The following NCKAP5 variants were observed in gnomAD, a reference collection of about 807,000 sequenced individuals.
The protein encoded by NCKAP5 is nck-associated protein 5.
In NCKAP5, 92 loss-of-function variants were observed where a neutral mutation model predicts 167.0. That is an observed-to-expected ratio of 0.55 (90% CI 0.47 to 0.66). The LOEUF (loss-of-function observed/expected upper bound fraction) is 0.66. Ranked by LOEUF, NCKAP5 falls within the 30% of genes least tolerant of loss-of-function variation. NCKAP5 has a pLI of 0.00. For missense variants in NCKAP5, 2,378 were observed against 2,315.0 expected (o/e 1.03, Z -0.56); for synonymous variants, 891 against 877.4 (o/e 1.02, Z -0.27).
rs567549128 is a variant in NCKAP5 at position 133,410,495 on chromosome 2, G to A, written c.69+106963C>T. On this transcript the variant is annotated intron_variant, in intron 3 of 19. Transcript: ENST00000409261. The stretch of plus-strand genomic sequence containing the variant: ...CAAAGGGTTCTTAGGAAAATTAATT[G>A]TCATGTATTGGTTCAATCCTATAAC... 2.6e-5 allele frequency among the ~76,000 whole-genome samples: 4 copies of A among 152,294 alleles called. No individual in the cohort carries two copies. In the South Asian group the frequency reaches 8.3e-4, roughly 32 times the overall value.
In NCKAP5 at chr2:133,212,909, A is replaced by G. The variant is rs559876875; in HGVS notation, c.207+807T>C. On this transcript the variant is annotated intron_variant, in intron 5 of 19. Coordinates refer to ENST00000409261, the MANE Select transcript of NCKAP5 (RefSeq NM_207363.3). ...TTTTCAGTGGATGGCCTGTCAATTAACTCTCATGAAATCAAATGGAAGCAG... is the reference window on the plus strand; with the variant it reads ...TTTTCAGTGGATGGCCTGTCAATTAGCTCTCATGAAATCAAATGGAAGCAG... 1.3e-3 allele frequency among the ~76,000 whole-genome samples: 200 copies of G among 152,296 alleles called. 1 individual carries two copies. Among genetic ancestry groups the G allele is most frequent in the African/African-American group, 4.6e-3 (192 of 41,560 alleles).
chr2:133,187,297 T>C lies in NCKAP5; in HGVS notation c.207+26419A>G, dbSNP rs544987935. The stretch of plus-strand genomic sequence containing the variant: ...TTTGTACTGACCAAGAACACTGTTG[T>C]ACTGTGTTCTGAGAGTGAGCCTGAT... On this transcript the variant is annotated intron_variant, in intron 5 of 19. Coordinates refer to ENST00000409261, the MANE Select transcript of NCKAP5 (RefSeq NM_207363.3). Among the ~76,000 whole-genome samples the C allele has an allele frequency of 4.6e-5, 7 of 152,226 alleles. No individual in the cohort carries two copies. In the South Asian group the frequency reaches 1.4e-3, roughly 32 times the overall value.
At position 133,066,421 on chromosome 2, in the gene NCKAP5, A is replaced by G. The variant is rs145162757; in HGVS notation, c.341+63557T>C. ...TCACAAATTCTCTGGATAAGTCAGA[A>G]TCTTAAGTTGGATTTTGCCAATTCA... On this transcript the variant is annotated intron_variant, in intron 6 of 19. Coordinates refer to ENST00000409261, the MANE Select transcript of NCKAP5 (RefSeq NM_207363.3). Among the ~76,000 whole-genome samples the G allele has an allele frequency of 5.6e-3, 853 of 152,344 alleles. 1 individual carries two copies. The highest frequency in any genetic ancestry group is 9.5e-3 in the Non-Finnish European group (649 of 68,034).
rs959946366 is a variant in NCKAP5, at chr2:132,784,281, G to A, written c.2530C>T (p.Leu844Phe). 3.1e-6 allele frequency: 5 copies of A among 1,612,896 alleles called. No individual in the cohort carries two copies. The highest frequency in any genetic ancestry group is 1.7e-5 in the Admixed American group (1 of 59,714). ...EKSPALAPGKLSRFMKTESSG... is the reference protein window; with the variant it reads ...EKSPALAPGKFSRFMKTESSG... ...CTCTCAGTCTTCATGAATCGTGAGA[G>A]TTTCCCAGGAGCTAAGGCTGGTGAT... The change falls in exon 14 of 20, where the codon CTC becomes TTC. Residue 844 changes from leucine (L) to phenylalanine (F), a missense_variant. This residue lies in a region of NCKAP5 where 1,049 missense variants were observed against 1,023.4 expected (regional missense o/e 1.02). Transcript: ENST00000409261.
intron 2 of NCKAP5, among the ~76,000 whole-genome samples, chr2:133,535,342 G>A (rs185444632): frequency 4.2e-4 from 63 of 151,636 alleles, no homozygotes; most frequent in Non-Finnish European, 6.8e-4. Flanking sequence ...CTATATGTCC[G>A]TGCATACCCA....
At chr2:133,584,495 TG>T in the NCKAP5 span, among the ~76,000 whole-genome samples, 1 of 152,192 alleles carries the variant, frequency 6.6e-6, no homozygotes, top group South Asian at 2.1e-4. Context: ...CCAGGTGCAG[TG>T]GCTCATGCCT....
At chr2:132,933,759 G>A (rs1696622033) in intron 8 of NCKAP5, among the ~76,000 whole-genome samples, 1 of 152,120 alleles carries the variant, frequency 6.6e-6, no homozygotes, top group African/African-American at 2.4e-5. Context: ...ATATACATGT[G>A]GAGGCCAACC....
chr2:132,822,312 C>T (rs1558822600), intron 11 of NCKAP5, among the ~76,000 whole-genome samples: 1 of 152,238 alleles, frequency 6.6e-6, no homozygotes, highest in Non-Finnish European at 1.5e-5. Flanking sequence ...ACTTCACTCC[C>T]CTGCCACCTC....
At chr2:132,926,854 G>T (rs141811050) in intron 8 of NCKAP5, among the ~76,000 whole-genome samples, 3 of 152,136 alleles carry the variant, frequency 2.0e-5, no homozygotes, top group African/African-American at 4.8e-5. Flanking sequence ...TTCCTTTGCT[G>T]TGGAGAAGCT....
At chr2:133,190,097 T>C (rs1000002190) in intron 5 of NCKAP5, among the ~76,000 whole-genome samples, 5 of 152,192 alleles carry the variant, frequency 3.3e-5, no homozygotes, top group African/African-American at 1.2e-4. Context: ...AAATTCAATG[T>C]GCAAAAATCA....
intron 6 of NCKAP5, among the ~76,000 whole-genome samples, chr2:133,005,504 C>G (rs954473225): frequency 6.6e-6 from 1 of 152,172 alleles, no homozygotes; most frequent in Non-Finnish European, 1.5e-5. Flanking sequence ...CTATCCTTGT[C>G]AAATGTGTCC....
At chr2:133,345,412 C>G (rs1056116554) in intron 3 of NCKAP5, among the ~76,000 whole-genome samples, 1 of 152,132 alleles carries the variant, frequency 6.6e-6, no homozygotes, top group Admixed American at 6.5e-5. Context: ...TACTAACAAA[C>G]TAATAGAGAT....
At chr2:133,641,582 C>A in the NCKAP5 span, among the ~76,000 whole-genome samples, 34 of 152,358 alleles carry the variant, frequency 2.2e-4, no homozygotes, top group African/African-American at 7.0e-4. Flanking sequence ...GTGTCTGGCA[C>A]CACAGAGTGG....
At chr2:133,515,923 C>T (rs1347621073) in intron 3 of NCKAP5, among the ~76,000 whole-genome samples, 1 of 152,148 alleles carries the variant, frequency 6.6e-6, no homozygotes, top group East Asian at 1.9e-4. Flanking sequence ...TGATCCAAGG[C>T]CATTTATTAA....
intron 6 of NCKAP5, among the ~76,000 whole-genome samples, chr2:133,032,957 G>C (rs908092623): frequency 1.3e-5 from 2 of 152,164 alleles, no homozygotes; most frequent in African/African-American, 4.8e-5. Flanking sequence ...ATCATGAGAA[G>C]AGCAAGGGGA....
intron 6 of NCKAP5, chr2:133,121,845 G>A (rs999352655): frequency 1.3e-5 from 2 of 152,150 alleles, no homozygotes; most frequent in Non-Finnish European, 2.9e-5. Flanking sequence ...CTATCAACAG[G>A]TGAATGAATA....
the NCKAP5 span, among the ~76,000 whole-genome samples, chr2:133,631,356 A>T: frequency 6.6e-6 from 1 of 152,244 alleles, no homozygotes. Context: ...AAGAGCAAAT[A>T]CGTAAATGCA....
At chr2:132,724,991 C>T (rs1368821652) in intron 19 of NCKAP5, among the ~76,000 whole-genome samples, 2 of 152,112 alleles carry the variant, frequency 1.3e-5, no homozygotes, top group Non-Finnish European at 2.9e-5. Flanking sequence ...CTTTCCATTG[C>T]ATCATTACAA....
intron 11 of NCKAP5, among the ~76,000 whole-genome samples, chr2:132,799,229 ACAGAC>A: frequency 6.6e-6 from 1 of 152,104 alleles, no homozygotes; most frequent in Admixed American, 6.6e-5. Flanking sequence ...CATGGGAACA[ACAGAC>A]CCTGCAGACT....
Sources: allele counts gnomAD v4.1 joint callset (sites outside exome capture counted in the v4.1 genomes callset), GRCh38; gene constraint gnomAD v4.1.1; regional missense constraint gnomAD v4.1.1; transcripts MANE v1.5; gene names NCBI Gene and HGNC (gene_info 2026-07-23, HGNC 2026-07-21).